Variants in KIF5C observed in about 807,000 individuals in gnomAD.
KIF5C encodes kinesin heavy chain isoform 5C.
In KIF5C, 18 loss-of-function variants were observed where a neutral mutation model predicts 125.2. That is an observed-to-expected ratio of 0.14 (90% CI 0.10 to 0.21). KIF5C has a LOEUF of 0.21. Ranked by LOEUF, KIF5C falls within the 10% of genes least tolerant of loss-of-function variation. The pLI is 1.00. For missense variants in KIF5C, 780 were observed against 1,183.8 expected, an observed-to-expected ratio of 0.66 and a Z score of 5.01; for synonymous variants, 405 against 434.0, an observed-to-expected ratio of 0.93 and a Z score of 0.83.
In KIF5C at chr2:148,876,348, C is replaced by T. The variant is rs1232812947; in HGVS notation, c.126+605C>T. Among the ~76,000 whole-genome samples the T allele has an allele frequency of 6.6e-6, 1 of 152,160 alleles. No homozygotes were observed. The highest frequency in any genetic ancestry group is 1.5e-5 in the Non-Finnish European group (1 of 68,014). On this transcript the variant is annotated intron_variant, in intron 1 of 25. Transcript: ENST00000435030. This position sits in a 1 kb window ranked among gnomAD's most constrained non-coding sequence, Gnocchi z 4.7. The stretch of plus-strand genomic sequence containing the variant: ...GGGAGTACTGGTGGCCTCGGTGTCC[C>T]CTGGAGGCCTGGTGTGTCTCCCGCT...
chr2:149,004,116 T>C (rs1215442174), intron 21 of KIF5C, among the ~76,000 whole-genome samples: 1 of 152,224 alleles, frequency 6.6e-6, no homozygotes, highest in Non-Finnish European at 1.5e-5. Context: ...CACAGATCCA[T>C]TTGGTTTCCT....
chr2:148,978,274 C>A (rs1170605513), intron 12 of KIF5C, among the ~76,000 whole-genome samples: 1 of 151,196 alleles, frequency 6.6e-6, no homozygotes, highest in Non-Finnish European at 1.5e-5. Context: ...TTTGCCTTTC[C>A]CACTTCAGTG....
intron 19 of KIF5C, among the ~76,000 whole-genome samples, chr2:148,999,011 T>C (rs560065579): frequency 7.9e-5 from 12 of 152,254 alleles, no homozygotes; most frequent in African/African-American, 2.9e-4. Context: ...GCTCACTTCT[T>C]AGGGCCCCAC....
chr2:148,982,530 T>C (rs1300081727), intron 14 of KIF5C, among the ~76,000 whole-genome samples: 1 of 152,236 alleles, frequency 6.6e-6, no homozygotes, highest in Non-Finnish European at 1.5e-5. Flanking sequence ...CAGGAAATGC[T>C]CCTCGCGGCA....
At chr2:148,931,354 G>A (rs1048095858) in intron 3 of KIF5C, among the ~76,000 whole-genome samples, 2 of 152,168 alleles carry the variant, frequency 1.3e-5, no homozygotes, top group Admixed American at 6.6e-5. Flanking sequence ...GAGAAGAGAT[G>A]GATGTAGGGT....
intron 15 of KIF5C, among the ~76,000 whole-genome samples, chr2:148,989,596 C>A (rs577652420): frequency 6.6e-6 from 1 of 152,230 alleles, no homozygotes; most frequent in East Asian, 1.9e-4. Context: ...AGTTTACGTT[C>A]CCACCAGCAG....
Position 148,875,575 on chromosome 2 carries a change from G to GCCCCCCCCCCCCCCCCCCTGCCCC in KIF5C, c.-37_-36insCCCCCCCCCCCCTGCCCCCCCCCC. 4 of 699,598 alleles carry GCCCCCCCCCCCCCCCCCCTGCCCC rather than the reference G, an allele frequency of 5.7e-6. No individual in the cohort carries two copies. Among genetic ancestry groups the GCCCCCCCCCCCCCCCCCCTGCCCC allele is most frequent in the Non-Finnish European group, 1.0e-5 (4 of 389,226 alleles). The allele number at this position is 699,598 out of a possible 1,614,324, so 43.3% of individuals were successfully genotyped here. ...TCCTCCCTCGTCGTTCCCGGCCCCG[G>GCCCCCCCCCCCCCCCCCCTGCCCC]CCCCCCACCCATCCCCGTGCCCCCT... On this transcript the variant is annotated 5_prime_UTR_variant, in exon 1 of 26. Transcript: ENST00000435030.
rs911238861 is a variant in KIF5C, at chr2:148,876,902, T to C, written c.126+1159T>C. ...GATGCAGCCTTCCCGTCCCCAGCAT[T>C]GATTAAGTGATGTCATCCTGATCAC... On this transcript the variant is annotated intron_variant, in intron 1 of 25. Transcript: ENST00000435030. The surrounding 1 kb of genome is among the most constrained non-coding windows in gnomAD (Gnocchi z 4.7). Among the ~76,000 whole-genome samples the C allele has an allele frequency of 1.3e-5, 2 of 152,086 alleles. No individual in the cohort carries two copies. Among genetic ancestry groups the C allele is most frequent in the Admixed American group, 1.3e-4 (2 of 15,276 alleles).
chr2:149,011,504 T>C lies in KIF5C; in HGVS notation c.2768-66T>C. On this transcript the variant is annotated intron_variant, in intron 24 of 25. Transcript: ENST00000435030. ...TTAGTTGTCACAGGTGACCTGTAGA[T>C]ATCAGGGTTGCTGTTAAGACTTTTC... 4.4e-6 allele frequency: 7 copies of C among 1,592,634 alleles called. No individual in the cohort carries two copies. The Admixed American group carries it at 1.0e-4, about 23-fold the overall frequency.
At chr2:148,901,673 C>T (rs1680907656) in intron 1 of KIF5C, among the ~76,000 whole-genome samples, 1 of 152,176 alleles carries the variant, frequency 6.6e-6, no homozygotes, top group African/African-American at 2.4e-5. Context: ...CCCATCAGTG[C>T]TCTGGGAACC....
intron 15 of KIF5C, among the ~76,000 whole-genome samples, chr2:148,989,700 C>T (rs545100641): frequency 6.6e-6 from 1 of 152,100 alleles, no homozygotes; most frequent in East Asian, 1.9e-4. Context: ...AAGGTGGTTT[C>T]ACATTGTGGT....
chr2:148,976,504 G>A (rs764270872), intron 12 of KIF5C, among the ~76,000 whole-genome samples: 13 of 151,840 alleles, frequency 8.6e-5, no homozygotes, highest in South Asian at 2.1e-4. Flanking sequence ...TCCTGACCTC[G>A]TGATCCACCT....
intron 15 of KIF5C, among the ~76,000 whole-genome samples, chr2:148,989,875 C>A (rs959267417): frequency 4.6e-5 from 7 of 152,144 alleles, no homozygotes; most frequent in Admixed American, 3.9e-4. Context: ...AGGGCTGATA[C>A]CTGGTTCCAT....
chr2:148,938,943 A>C (rs1057383519), intron 4 of KIF5C, among the ~76,000 whole-genome samples: 1 of 151,876 alleles, frequency 6.6e-6, no homozygotes, highest in Non-Finnish European at 1.5e-5. Flanking sequence ...AAATACAAAA[A>C]AAGTAGCCAG....
intron 10 of KIF5C, among the ~76,000 whole-genome samples, chr2:148,956,391 C>T (rs1682793362): frequency 6.6e-6 from 1 of 152,182 alleles, no homozygotes; most frequent in East Asian, 1.9e-4. Flanking sequence ...ACTTAACTGT[C>T]TCTGTAGCAG....
chr2:148,926,661 T>C (rs561525253), intron 2 of KIF5C, among the ~76,000 whole-genome samples: 1 of 152,294 alleles, frequency 6.6e-6, no homozygotes, highest in South Asian at 2.1e-4. Context: ...TCTCTCTGCC[T>C]TCCCTCACCA....
Position 148,987,284 on chromosome 2 carries a change from A to T in KIF5C, c.1716+3518A>T, listed in dbSNP as rs542511934. Among the ~76,000 whole-genome samples, 3 of 152,228 alleles carry T rather than the reference A, an allele frequency of 2.0e-5. No homozygotes were observed. The East Asian group carries it at 5.8e-4, about 29-fold the overall frequency. ...GTCCCATGTTCACTTTTATTTGGAG[A>T]CTTAACATTTAAATGTATTATAATT... On this transcript the variant is annotated intron_variant, in intron 15 of 25. Transcript: ENST00000435030.
At chr2:148,981,948 C>T (rs1681248809) in intron 14 of KIF5C, among the ~76,000 whole-genome samples, 1 of 152,190 alleles carries the variant, frequency 6.6e-6, no homozygotes, top group Non-Finnish European at 1.5e-5. Flanking sequence ...TGGTGACGAT[C>T]ATATGCTGCT....
rs576131823 is a variant in KIF5C at position 148,993,237 on chromosome 2, C to G, written c.1906-1184C>G. 5.3e-5 allele frequency among the ~76,000 whole-genome samples: 8 copies of G among 152,244 alleles called. No individual in the cohort carries two copies. The South Asian group carries it at 1.5e-3, about 28-fold the overall frequency. On this transcript the variant is annotated intron_variant, in intron 16 of 25. Coordinates refer to ENST00000435030, the MANE Select transcript of KIF5C (RefSeq NM_004522.3). ...AGTAGGGTGTAGCCAGAGGAGGGCCCAGTGGGGTGCTCTGAATCGTCCAGG... is the reference window on the plus strand; with the variant it reads ...AGTAGGGTGTAGCCAGAGGAGGGCCGAGTGGGGTGCTCTGAATCGTCCAGG...
Sources: allele counts gnomAD v4.1 joint callset (sites outside exome capture counted in the v4.1 genomes callset), GRCh38; gene constraint gnomAD v4.1.1; non-coding constraint Gnocchi (gnomAD v3.1); transcripts MANE v1.5; gene names NCBI Gene and HGNC (gene_info 2026-07-23, HGNC 2026-07-21).